Variants in LARS2 observed in about 807,000 individuals in gnomAD.
The protein encoded by LARS2 is leucyl-tRNA synthetase 2, mitochondrial.
LARS2 carries 81 observed loss-of-function variants against 116.6 expected under a neutral mutation model. That is an observed-to-expected ratio of 0.69 (90% CI 0.58 to 0.84). LARS2 has a LOEUF of 0.84. LARS2 is among the 40% of genes least tolerant of loss of function. The pLI, the probability that LARS2 is intolerant of heterozygous loss-of-function variation, is 0.00. For synonymous variants in LARS2, 396 were observed against 407.2 expected, an observed-to-expected ratio of 0.97 and a Z score of 0.33; for missense variants, 968 against 1,114.5, an observed-to-expected ratio of 0.87 and a Z score of 1.87.
At chr3:45,510,397 G>C (rs1304833047) in intron 15 of LARS2, among the ~76,000 whole-genome samples, 1 of 152,006 alleles carries the variant, frequency 6.6e-6, no homozygotes, top group African/African-American at 2.4e-5. Context: ...CTGGGTGACA[G>C]AACAAGACCC....
At position 45,429,741 on chromosome 3, in the gene LARS2, G is replaced by A. The variant is rs150805988; in HGVS notation, c.516+10012G>A. Among the ~76,000 whole-genome samples, 912 of 120,572 alleles carry A rather than the reference G, an allele frequency of 7.6e-3. 9 individuals carry two copies. The highest frequency in any genetic ancestry group is 9.8e-3 in the Non-Finnish European group (611 of 62,482). 79.1% of individuals were successfully genotyped at this position (120,572 alleles called of 152,430 possible). A position where few individuals can be genotyped will look rare whatever the true frequency, so the allele number is the denominator to read the frequency against. On this transcript the variant is annotated intron_variant, in intron 6 of 21. Transcript: ENST00000645846. The stretch of plus-strand genomic sequence containing the variant: ...TTTTGAGATAGGGTTTTGCTCTGTC[G>A]CCCAGGCTGGAGTGCAGTGTTGCGA...
intron 14 of LARS2, among the ~76,000 whole-genome samples, chr3:45,497,506 G>C (rs1700034994): frequency 6.6e-6 from 1 of 152,104 alleles, no homozygotes; most frequent in Non-Finnish European, 1.5e-5. Context: ...TATTCTTCGT[G>C]GTTCTAAAAT....
At chr3:45,468,407 C>T (rs1341821023) in intron 8 of LARS2, among the ~76,000 whole-genome samples, 1 of 152,190 alleles carries the variant, frequency 6.6e-6, no homozygotes, top group Admixed American at 6.5e-5. Context: ...ATAGTCAATG[C>T]CACAGATTAG....
At chr3:45,499,851 T>C (rs1484561167) in intron 14 of LARS2, among the ~76,000 whole-genome samples, 1 of 152,220 alleles carries the variant, frequency 6.6e-6, no homozygotes, top group Non-Finnish European at 1.5e-5. Flanking sequence ...GTCCTCATTT[T>C]ATATGCAAAT....
chr3:45,463,992 T>C (rs908934417), intron 8 of LARS2, among the ~76,000 whole-genome samples: 9 of 152,198 alleles, frequency 5.9e-5, no homozygotes, highest in Non-Finnish European at 1.3e-4. Context: ...CAAGGATTTC[T>C]AAGTAGGATG....
intron 15 of LARS2, among the ~76,000 whole-genome samples, chr3:45,510,088 T>C (rs534296850): frequency 6.6e-6 from 1 of 152,162 alleles, no homozygotes; most frequent in East Asian, 1.9e-4. Context: ...ACTGAGCATC[T>C]GTTAGGAACT....
intron 4 of LARS2, among the ~76,000 whole-genome samples, chr3:45,413,516 G>A: frequency 6.6e-6 from 1 of 152,212 alleles, no homozygotes; most frequent in Non-Finnish European, 1.5e-5. Context: ...AGTAAGTAAT[G>A]TGCCTCAGGC....
At chr3:45,463,388 G>T (rs1699367572) in intron 8 of LARS2, among the ~76,000 whole-genome samples, 2 of 152,176 alleles carry the variant, frequency 1.3e-5, no homozygotes, top group South Asian at 4.1e-4. Context: ...CCAAATTGGT[G>T]GTTATGTTTT....
intron 6 of LARS2, among the ~76,000 whole-genome samples, chr3:45,444,159 C>T (rs1698970264): frequency 7.2e-6 from 1 of 139,196 alleles, no homozygotes; most frequent in South Asian, 2.6e-4. Flanking sequence ...TGCCCACCAC[C>T]ATTCCTGGCT....
intron 8 of LARS2, among the ~76,000 whole-genome samples, chr3:45,461,643 G>T (rs1015707889): frequency 1.3e-5 from 2 of 152,180 alleles, no homozygotes; most frequent in Non-Finnish European, 2.9e-5. Context: ...GATGCAGAGA[G>T]ACCAGTTAGA....
chr3:45,432,693 A>G (rs904434355), intron 6 of LARS2, among the ~76,000 whole-genome samples: 10 of 152,242 alleles, frequency 6.6e-5, no homozygotes, highest in East Asian at 3.9e-4. Context: ...AAAGATGTCA[A>G]ATAAACAACT....
At chr3:45,420,225 G>A (rs1698493471) in intron 6 of LARS2, among the ~76,000 whole-genome samples, 1 of 152,210 alleles carries the variant, frequency 6.6e-6, no homozygotes, top group Admixed American at 6.5e-5. Context: ...AGAATCAGTG[G>A]AGAATTCCAG....
intron 4 of LARS2, among the ~76,000 whole-genome samples, chr3:45,408,314 CT>C (rs887504335): frequency 6.6e-6 from 1 of 152,262 alleles, no homozygotes; most frequent in African/African-American, 2.4e-5. Context: ...GCCTCACCCC[CT>C]GGCCAGGGCT....
intron 20 of LARS2, among the ~76,000 whole-genome samples, chr3:45,540,132 G>A (rs937167491): frequency 6.6e-6 from 1 of 151,786 alleles, no homozygotes; most frequent in South Asian, 2.1e-4. Flanking sequence ...GGTGGCAGGC[G>A]CCTGTAACCC....
At chr3:45,446,199 T>C (rs1699015155) in intron 6 of LARS2, among the ~76,000 whole-genome samples, 1 of 152,250 alleles carries the variant, frequency 6.6e-6, no homozygotes, top group South Asian at 2.1e-4. Context: ...AGAGGTTTTA[T>C]GCTTATTTGA....
At chr3:45,429,340 T>G (rs191254893) in intron 6 of LARS2, among the ~76,000 whole-genome samples, 1 of 152,328 alleles carries the variant, frequency 6.6e-6, no homozygotes, top group Admixed American at 6.5e-5. Context: ...AGGTTGTTGG[T>G]TGAATTCACT....
At chr3:45,393,956 A>G (rs1171490626) in intron 2 of LARS2, among the ~76,000 whole-genome samples, 2 of 152,238 alleles carry the variant, frequency 1.3e-5, no homozygotes, top group East Asian at 3.8e-4. Flanking sequence ...ATGTATAAAA[A>G]TTACTAATAG....
rs116455899 is a variant in LARS2, at chr3:45,485,245, T to A, written c.1019-447T>A. Among the ~76,000 whole-genome samples the A allele has an allele frequency of 8.6e-3, 1,315 of 152,326 alleles. 16 individuals are homozygous for A. The highest frequency in any genetic ancestry group is 0.03 in the African/African-American group (1,258 of 41,562). On this transcript the variant is annotated intron_variant, in intron 10 of 21. Transcript: ENST00000645846. ...GGGTAGGAACTCTTTTGTCTTAGGA[T>A]GTCTGGAAATGTCTTCCCTTCTTTC...
chr3:45,470,269 GAA>G (rs1699498746), intron 8 of LARS2, among the ~76,000 whole-genome samples: 1 of 152,212 alleles, frequency 6.6e-6, no homozygotes, highest in African/African-American at 2.4e-5. Context: ...TCTTTGAAGA[GAA>G]AGTCATATTA....
Sources: allele counts gnomAD v4.1 joint callset (sites outside exome capture counted in the v4.1 genomes callset), GRCh38; gene constraint gnomAD v4.1.1; transcripts MANE v1.5; gene names NCBI Gene and HGNC (gene_info 2026-07-23, HGNC 2026-07-21).